SYNE2: variants seen among roughly 807,000 people sequenced by gnomAD.
The protein encoded by SYNE2 is spectrin repeat containing nuclear envelope protein 2.
SYNE2 carries 431 observed loss-of-function variants against 856.3 expected under a neutral mutation model. That is an observed-to-expected ratio of 0.50 (90% confidence interval 0.47 to 0.55). The LOEUF (loss-of-function observed/expected upper bound fraction) is 0.55, where lower values mean the gene tolerates loss of function less well. Among genes scored for constraint, SYNE2 ranks in the 20% least tolerant of loss-of-function variants. The pLI, the probability that SYNE2 is intolerant of heterozygous loss-of-function variation, is 0.00. For synonymous variants in SYNE2, 2,923 were observed against 2,872.3 expected, an observed-to-expected ratio of 1.02 and a Z score of -0.56; for missense variants, 8,129 against 8,023.2, an observed-to-expected ratio of 1.01 and a Z score of -0.50.
intron 100 of SYNE2, among the ~76,000 whole-genome samples, chr14:64,208,504 G>C (rs2098620793): frequency 6.6e-6 from 1 of 152,166 alleles, no homozygotes; most frequent in African/African-American, 2.4e-5. Flanking sequence ...CCATCACCGT[G>C]GCACCCCTCA....
chr14:63,985,589 T>TA (rs2096619400), intron 18 of SYNE2, among the ~76,000 whole-genome samples: 1 of 152,196 alleles, frequency 6.6e-6, no homozygotes, highest in African/African-American at 2.4e-5. Context: ...ATAGTCACCC[T>TA]AATTTACTAA....
chr14:64,032,043 A>G (rs1451584503), intron 45 of SYNE2, among the ~76,000 whole-genome samples: 2 of 152,216 alleles, frequency 1.3e-5, no homozygotes, highest in African/African-American at 2.4e-5. Context: ...CCGGTGGGAC[A>G]GTAGTGGAGG....
rs562180433 is a variant in SYNE2, at chr14:63,907,067, C to T, written c.-51-2031C>T. 1.9e-3 allele frequency among the ~76,000 whole-genome samples: 296 copies of T among 152,262 alleles called. 2 individuals carry two copies. Among genetic ancestry groups the T allele is most frequent in the African/African-American group, 6.8e-3 (284 of 41,554 alleles). ...ATTTCAACATATGGACTTTGGGGGA[C>T]GTAAGAACTCAGTCCACTGCAGCTC... is the stretch of plus-strand genomic sequence containing the variant. On this transcript the variant is annotated intron_variant, in intron 1 of 115. Transcript: ENST00000555002.
At chr14:64,047,327 G>A (rs973752111) in intron 45 of SYNE2, among the ~76,000 whole-genome samples, 2 of 151,584 alleles carry the variant, frequency 1.3e-5, no homozygotes, top group Non-Finnish European at 3.0e-5. Context: ...AAAGGTTAAA[G>A]CGAAGACACC....
chr14:64,085,331 C>T (rs1033227344), intron 57 of SYNE2, among the ~76,000 whole-genome samples: 1 of 152,178 alleles, frequency 6.6e-6, no homozygotes, highest in African/African-American at 2.4e-5. Context: ...CTCATCATTT[C>T]TGCCACATTT....
intron 1 of SYNE2, among the ~76,000 whole-genome samples, chr14:63,839,725 T>C (rs1369186875): frequency 1.3e-5 from 2 of 152,058 alleles, no homozygotes; most frequent in East Asian, 3.9e-4. Context: ...GATAGATAAA[T>C]AAAGATTTTA....
chr14:64,131,917 T>TAA (rs59559789), intron 76 of SYNE2, among the ~76,000 whole-genome samples: 39,353 of 151,980 alleles, frequency 0.26, 7,996 homozygotes, highest in African/African-American at 0.57. Context: ...GTTCAAAGAC[T>TAA]GAGTTTTTTT....
At chr14:64,097,374 C>T (rs912638564) in intron 61 of SYNE2, among the ~76,000 whole-genome samples, 3 of 151,960 alleles carry the variant, frequency 2.0e-5, no homozygotes, top group Non-Finnish European at 2.9e-5. Flanking sequence ...CCAAAGAAGC[C>T]TTCAAAGATG....
At chr14:63,829,743 C>A (rs1169815868) in intron 1 of SYNE2, among the ~76,000 whole-genome samples, 1 of 152,064 alleles carries the variant, frequency 6.6e-6, no homozygotes, top group Admixed American at 6.6e-5. Context: ...CAGCCTGCCT[C>A]CCAAATAGCT....
chr14:64,162,743 AT>A (rs1408046492), intron 88 of SYNE2: 1 of 258,684 alleles, frequency 3.9e-6, no homozygotes, highest in East Asian at 9.4e-5. Context: ...TTTTTCTATT[AT>A]TGTTAATGAA....
chr14:64,024,280 A>G lies in SYNE2; in HGVS notation c.5661A>G (p.Arg1887=). 6.2e-7 allele frequency: 1 copy of G among 1,614,104 alleles called. No individual in the cohort carries two copies. Among genetic ancestry groups the G allele is most frequent in the Non-Finnish European group, 8.5e-7 (1 of 1,179,964 alleles). Residue 1887 remains arginine (R), a synonymous_variant, in exon 39 of 116, where the codon AGA becomes AGG. Coordinates refer to ENST00000555002, the MANE Select transcript of SYNE2 (RefSeq NM_182914.3). The stretch of plus-strand genomic sequence containing the variant: ...AGGATTTCTTGACTCTTGAAGGAAG[A>G]AACAGTAAAATAAAGCAGGTGGACA... The part of the protein sequence containing the change: ...KLSDFLTLEG[R]NSKIKQVDSV...
intron 54 of SYNE2, 45 bp from the exon 55 acceptor site, chr14:64,078,421 G>A: frequency 6.2e-7 from 1 of 1,609,794 alleles, no homozygotes; most frequent in Non-Finnish European, 8.5e-7. Context: ...TGAATAAAGT[G>A]CAGACAACCT....
chr14:63,886,187 A>G (rs1234482965), intron 1 of SYNE2, among the ~76,000 whole-genome samples: 1 of 152,168 alleles, frequency 6.6e-6, no homozygotes, highest in Non-Finnish European at 1.5e-5. Context: ...CTCACTACCT[A>G]CAAAAACATA....
rs776221033 is a variant in SYNE2 at position 64,000,648 on chromosome 14, G to T, written c.3567G>T (p.Lys1189Asn). Residue 1189 changes from lysine to asparagine, a missense_variant, in exon 28 of 116, where the codon AAG (lysine) becomes AAT (asparagine). Transcript: ENST00000555002. Reference sequence around the variant, plus strand: ...AAAATCATGTGAATGACATAAAAAAGCCTTTTGTAATTAAGGAAAGAGACA... The same window carrying T: ...AAAATCATGTGAATGACATAAAAAATCCTTTTGTAATTAAGGAAAGAGACA... ...KLENHVNDIK[K>N]PFVIKERDTL... is the part of the protein sequence containing the mutation. The T allele has an allele frequency of 2.4e-5, 38 of 1,613,232 alleles. No individual in the cohort carries two copies. Among genetic ancestry groups the T allele is most frequent in the Non-Finnish European group, 3.2e-5 (38 of 1,179,690 alleles).
At position 63,998,903 on chromosome 14, in the gene SYNE2, A is replaced by G. The variant is rs1224864696; in HGVS notation, c.3354-11A>G. On this transcript the variant is annotated splice_polypyrimidine_tract_variant and intron_variant, in intron 26 of 115. Transcript: ENST00000555002. ...ATTAACTATTGTGATGTTGCATTTC[A>G]TTTTGCCCAGGTATGATACATACAG... The G allele has an allele frequency of 1.2e-6, 2 of 1,613,748 alleles. No homozygotes were observed. The highest frequency in any genetic ancestry group is 8.5e-7 in the Non-Finnish European group (1 of 1,179,842).
intron 1 of SYNE2, among the ~76,000 whole-genome samples, chr14:63,858,300 T>TTTTTTTTTA (rs1892471275): frequency 7.3e-6 from 1 of 136,912 alleles, no homozygotes. Flanking sequence ...TTTTTGATTT[T>TTTTTTTTTA]TAGTAGAGAC....
chr14:64,011,902 G>T (rs1460216696), intron 32 of SYNE2, among the ~76,000 whole-genome samples: 1 of 152,142 alleles, frequency 6.6e-6, no homozygotes, highest in Admixed American at 6.5e-5. Context: ...CCCAGGTCTT[G>T]GTCTTTCTGC....
rs528272994 is a variant in SYNE2, at chr14:63,808,164, G to A, written c.-304-44337G>A. ...ACTGGTCTCAAAGTCCTGGGCTCAA[G>A]CGATTCCCCTGCCTTGGCCTCCTAA... On this transcript the variant is annotated intron_variant, in intron 1 of 23. Coordinates refer to the SYNE2 transcript ENST00000674003. Among the ~76,000 whole-genome samples the A allele has an allele frequency of 4.0e-5, 6 of 151,736 alleles. No individual in the cohort carries two copies. In the South Asian group the frequency reaches 1.3e-3, roughly 32 times the overall value.
At chr14:64,146,471 G>A (rs1331460692) in intron 84 of SYNE2, among the ~76,000 whole-genome samples, 1 of 152,188 alleles carries the variant, frequency 6.6e-6, no homozygotes, top group African/African-American at 2.4e-5. Context: ...GGTTTGAGTA[G>A]TACTCTTGGG....
Sources: allele counts gnomAD v4.1 joint callset (sites outside exome capture counted in the v4.1 genomes callset), GRCh38; gene constraint gnomAD v4.1.1; transcripts MANE v1.5; gene names NCBI Gene and HGNC (gene_info 2026-07-23, HGNC 2026-07-21).